Variants in USP24 observed in about 807,000 individuals in gnomAD.
USP24 encodes ubiquitin specific peptidase 24.
USP24 carries 97 observed loss-of-function variants against 361.6 expected under a neutral mutation model. That is an observed-to-expected ratio of 0.27 (90% CI 0.23 to 0.32). The LOEUF is 0.32. Ranked by LOEUF, USP24 falls within the 10% of genes least tolerant of loss-of-function variation. The pLI is 1.00. For missense variants in USP24, 2,353 were observed against 3,165.6 expected (o/e 0.74, Z 6.16); for synonymous variants, 1,098 against 1,124.6 (o/e 0.98, Z 0.47).
intron 51 of USP24, among the ~76,000 whole-genome samples, chr1:55,094,945 G>A (rs1362784032): frequency 2.0e-5 from 3 of 152,130 alleles, no homozygotes; most frequent in African/African-American, 7.2e-5. Flanking sequence ...CGAGGCTGCA[G>A]TGAGCTATGA....
chr1:55,127,775 T>C (rs1462732284), intron 32 of USP24, among the ~76,000 whole-genome samples: 4 of 152,200 alleles, frequency 2.6e-5, no homozygotes, highest in African/African-American at 4.8e-5. Context: ...TGGTGTTAGA[T>C]GGTATCTCAT....
chr1:55,174,148 C>G (rs1363680178), intron 3 of USP24, among the ~76,000 whole-genome samples: 1 of 152,216 alleles, frequency 6.6e-6, no homozygotes, highest in Non-Finnish European at 1.5e-5. Context: ...GAAATGACAA[C>G]AAAGCTCCTT....
chr1:55,167,457 C>T (rs1557661374), intron 5 of USP24, among the ~76,000 whole-genome samples: 1 of 152,002 alleles, frequency 6.6e-6, no homozygotes, highest in East Asian at 1.9e-4. Flanking sequence ...TACAGAGAGG[C>T]AAAGAATGTA....
chr1:55,113,582 A>C (rs1299400663), intron 38 of USP24, among the ~76,000 whole-genome samples: 1 of 152,192 alleles, frequency 6.6e-6, no homozygotes, highest in Non-Finnish European at 1.5e-5. Flanking sequence ...ACAACAAAAA[A>C]AGAAAATTTC....
intron 56 of USP24, 88 bp downstream of exon 56, chr1:55,085,854 C>G: frequency 7.3e-7 from 1 of 1,373,728 alleles, no homozygotes; most frequent in African/African-American, 1.4e-5. Flanking sequence ...TTACCAGACT[C>G]CAATCCTAGG....
intron 16 of USP24, among the ~76,000 whole-genome samples, chr1:55,148,865 G>A (rs992305099): frequency 1.3e-5 from 2 of 152,178 alleles, no homozygotes; most frequent in African/African-American, 4.8e-5. Context: ...CAACTTCAGA[G>A]GATAGATTAA....
chr1:55,091,212 G>GT (rs1645368248), intron 54 of USP24, among the ~76,000 whole-genome samples: 1 of 152,004 alleles, frequency 6.6e-6, no homozygotes, highest in Admixed American at 6.5e-5. Context: ...TAGGAACAGG[G>GT]CCGCACAGCA....
rs908371382 is a variant in USP24 at position 55,101,693 on chromosome 1, G to T, written c.5036C>A (p.Pro1679Gln). 1.2e-6 allele frequency: 2 copies of T among 1,605,056 alleles called. No homozygotes were observed. Among genetic ancestry groups the T allele is most frequent in the Non-Finnish European group, 1.7e-6 (2 of 1,177,050 alleles). ...CCCTGAACTGGACCTGCTATCCACT[G>T]GGGGAAGGTACTGGAAAAGAGAGGA... ...ALTKEFDYLPPVDSRSSSGFV... is the reference protein window; with the variant it reads ...ALTKEFDYLPQVDSRSSSGFV... Residue 1679 changes from proline to glutamine, a missense_variant, in exon 43 of 68, where the codon CCA (proline) becomes CAA (glutamine). Physicochemically the swap from Pro to Gln is moderately conservative, Grantham distance 76. This residue lies in a region of USP24 where 949 missense variants were observed against 1,280.5 expected (regional missense o/e 0.74). Transcript: ENST00000294383.
chr1:55,170,928 T>C (rs2100798841), intron 5 of USP24, among the ~76,000 whole-genome samples: 1 of 152,310 alleles, frequency 6.6e-6, no homozygotes, highest in South Asian at 2.1e-4. Flanking sequence ...ACATAGTAAA[T>C]GTTAAATAAA....
Position 55,078,570 on chromosome 1 carries a change from G to C in USP24, c.7282C>G (p.His2428Asp). The C allele has an allele frequency of 6.2e-7, 1 of 1,611,938 alleles. No individual in the cohort carries two copies. The highest frequency in any genetic ancestry group is 8.5e-7 in the Non-Finnish European group (1 of 1,179,238). Residue 2428 changes from histidine (H) to aspartate (D), a missense_variant, in exon 61 of 68, where the codon CAT becomes GAT. Coordinates refer to ENST00000294383, the MANE Select transcript of USP24 (RefSeq NM_015306.3). ...MVVYCCFCNE[H>D]FSFTMLHFIK... ...AAATGCAGCATTGTGAAGGAAAAAT[G>C]CTCATTACAGAAACAGCAGTACACT... is the stretch of plus-strand genomic sequence containing the variant.
At chr1:55,109,257 G>A (rs1311050730) in intron 39 of USP24, among the ~76,000 whole-genome samples, 7 of 152,194 alleles carry the variant, frequency 4.6e-5, no homozygotes, top group South Asian at 2.1e-4. Context: ...GATCACAGGC[G>A]TAAGCCACTG....
At position 55,158,888 on chromosome 1, in the gene USP24, G is replaced by C. The variant is rs745413184; in HGVS notation, c.1217C>G (p.Ser406Cys). The C allele has an allele frequency of 1.3e-6, 2 of 1,519,810 alleles. No individual in the cohort carries two copies. Among genetic ancestry groups the C allele is most frequent in the South Asian group, 1.3e-5 (1 of 75,632 alleles). The allele number at this position is 1,519,810 out of a possible 1,614,324, so 94.1% of individuals were successfully genotyped here. ...AAATGAAAAACTTACTTCTTTGAGAGAATTCATCTTAGCACTGAAATGTGG... is the reference window on the plus strand; with the variant it reads ...AAATGAAAAACTTACTTCTTTGAGACAATTCATCTTAGCACTGAAATGTGG... The part of the protein sequence containing the change: ...KSPHFSAKMN[S>C]LKEVTKLIED... Residue 406 changes from serine to cysteine, a missense_variant, in exon 10 of 68, where the codon TCT (serine) becomes TGT (cysteine). This residue lies in a region of USP24 where 386 missense variants were observed against 560.5 expected (regional missense o/e 0.69). Transcript: ENST00000294383.
chr1:55,101,558 CA>C, intron 43 of USP24, 25 bp downstream of exon 43: 1 of 1,586,408 alleles, frequency 6.3e-7, no homozygotes. Flanking sequence ...TCTATCGTAC[CA>C]AAAAGGATAG....
intron 29 of USP24, 74 bp from the exon 30 acceptor site, chr1:55,134,237 TAAAATA>T: frequency 6.4e-7 from 1 of 1,564,178 alleles, no homozygotes; most frequent in South Asian, 1.2e-5. Flanking sequence ...GTATGGAATA[TAAAATA>T]AAATGCATTT....
At chr1:55,137,761 T>C (rs537414695) in intron 27 of USP24, 45 bp downstream of exon 27, 9 of 1,544,376 alleles carry the variant, frequency 5.8e-6, no homozygotes, top group Non-Finnish European at 7.0e-6. Context: ...TAAATATTTA[T>C]ATTATATCAT....
chr1:55,203,699 G>C (rs1329758691), intron 1 of USP24, among the ~76,000 whole-genome samples: 1 of 152,154 alleles, frequency 6.6e-6, no homozygotes, highest in Non-Finnish European at 1.5e-5. Flanking sequence ...CCACAGGCAT[G>C]TTCTATACTT....
At chr1:55,168,807 T>C (rs1053283807) in intron 5 of USP24, among the ~76,000 whole-genome samples, 3 of 152,214 alleles carry the variant, frequency 2.0e-5, no homozygotes, top group African/African-American at 7.2e-5. Context: ...AAGTTGATAA[T>C]TTATTCTAAA....
intron 11 of USP24, 52 bp from the exon 12 acceptor site, chr1:55,157,103 CTAAATA>C: frequency 1.1e-5 from 16 of 1,490,850 alleles, no homozygotes; most frequent in Non-Finnish European, 1.5e-5. Context: ...CACTGACTCT[CTAAATA>C]TAATTCTATT....
In USP24 at chr1:55,166,791, G is replaced by A. The variant is rs532792854; in HGVS notation, c.826-188C>T. ...TTACTGTATATGATTTTGGGAGTCT[G>A]TAAGTCTGTATTTTGATGGAACTGC... On this transcript the variant is annotated intron_variant, in intron 5 of 67. Coordinates refer to ENST00000294383, the MANE Select transcript of USP24 (RefSeq NM_015306.3). Among the ~76,000 whole-genome samples, 4 of 152,226 alleles carry A rather than the reference G, an allele frequency of 2.6e-5. No homozygotes were observed. The South Asian group carries it at 6.2e-4, about 24-fold the overall frequency.
Sources: gnomAD v4.1 joint callset for allele counts (sites outside exome capture counted in the v4.1 genomes callset) on GRCh38, gnomAD v4.1.1 for gene constraint, gnomAD v4.1.1 regional missense constraint, MANE v1.5 for transcripts, NCBI Gene and HGNC (gene_info 2026-07-23, HGNC 2026-07-21) for gene names.